Variants in TBL1X observed in about 807,000 individuals in gnomAD.
TBL1X encodes the protein F-box-like/WD repeat-containing protein TBL1X.
TBL1X carries 10 observed loss-of-function variants against 50.7 expected under a neutral mutation model. The observed-to-expected ratio is 0.20, with a 90% CI of 0.12 to 0.33. The LOEUF (loss-of-function observed/expected upper bound fraction) is 0.33, where lower values mean the gene tolerates loss of function less well. Among genes scored for constraint, TBL1X ranks in the 10% least tolerant of loss-of-function variants. TBL1X has a pLI of 1.00. For missense variants in TBL1X, 340 were observed against 504.4 expected (o/e 0.67, Z 3.12); for synonymous variants, 190 against 214.7 (o/e 0.88, Z 1.01).
chrX:9,571,766 C>T (rs991439535), intron 2 of TBL1X, among the ~76,000 whole-genome samples: 7 of 111,563 alleles, frequency 6.3e-5, no homozygotes, highest in African/African-American at 2.0e-4. Context: ...ACCTGGCACC[C>T]ACTGTTCTAC....
chrX:9,465,104 T>C lies in TBL1X; in HGVS notation c.-544T>C. ...GGAGGTCACTGTCCGTGCCAGTCCCTCCCGCTGTCCCGCCCTCTCCCGCTG... is the reference window on the plus strand; with the variant it reads ...GGAGGTCACTGTCCGTGCCAGTCCCCCCCGCTGTCCCGCCCTCTCCCGCTG... On this transcript the variant is annotated 5_prime_UTR_variant, in exon 1 of 18. Coordinates refer to ENST00000645353, the MANE Select transcript of TBL1X (RefSeq NM_005647.4). 1 of 112,372 alleles carries C rather than the reference T, an allele frequency of 8.9e-6. No homozygotes were observed. Among genetic ancestry groups the C allele is most frequent in the Non-Finnish European group, 1.9e-5 (1 of 53,447 alleles). 9.3% of individuals were successfully genotyped at this position (112,372 alleles called of 1,213,427 possible). A position where few individuals can be genotyped will look rare whatever the true frequency, so the allele number is the denominator to read the frequency against.
At chrX:9,540,063 G>T (rs2082207411) in intron 2 of TBL1X, among the ~76,000 whole-genome samples, 1 of 112,693 alleles carries the variant, frequency 8.9e-6, no homozygotes, top group South Asian at 3.6e-4. Context: ...TTTGGCACAA[G>T]AAGTGTTACA....
intron 2 of TBL1X, among the ~76,000 whole-genome samples, chrX:9,525,691 C>G (rs193256480): frequency 7.1e-5 from 8 of 112,472 alleles, no homozygotes; most frequent in African/African-American, 2.6e-4. Context: ...AAATAACTCA[C>G]TTCAGCTGTA....
intron 2 of TBL1X, among the ~76,000 whole-genome samples, chrX:9,553,854 G>A (rs1368812458): frequency 8.9e-6 from 1 of 111,847 alleles, no homozygotes; most frequent in Non-Finnish European, 1.9e-5. Flanking sequence ...AAATTATAGA[G>A]GGTAAGTTAC....
chrX:9,505,510 A>G (rs971460053), intron 2 of TBL1X, among the ~76,000 whole-genome samples: 24 of 112,111 alleles, frequency 2.1e-4, no homozygotes, highest in Non-Finnish European at 2.8e-4. Context: ...AGCAAATTGG[A>G]TAAGGAGTCA....
intron 2 of TBL1X, among the ~76,000 whole-genome samples, chrX:9,606,786 T>TGGAC (rs2082585692): frequency 5.3e-5 from 6 of 112,537 alleles, no homozygotes; most frequent in Non-Finnish European, 1.1e-4. Context: ...AAACAGTTCC[T>TGGAC]GAGCCCCTAA....
At chrX:9,709,165 C>T (rs1453375150) in intron 13 of TBL1X, 83 bp from the exon 14 acceptor site, 43 of 991,528 alleles carry the variant, frequency 4.3e-5, no homozygotes, top group Middle Eastern at 7.6e-4. Context: ...GCGCCGGTGG[C>T]GCGCTGCTGC....
chrX:9,617,290 T>G (rs749627672), intron 2 of TBL1X, among the ~76,000 whole-genome samples: 93 of 111,297 alleles, frequency 8.4e-4, no homozygotes, highest in African/African-American at 2.5e-3. Flanking sequence ...CCACCGTCCT[T>G]CCACAGAGCA....
At chrX:9,702,054 A>C (rs1407274896) in intron 12 of TBL1X, among the ~76,000 whole-genome samples, 1 of 111,533 alleles carries the variant, frequency 9.0e-6, no homozygotes, top group Non-Finnish European at 1.9e-5. Context: ...TGCACCTCTT[A>C]TTTGAAGACC....
intron 1 of TBL1X, among the ~76,000 whole-genome samples, chrX:9,501,565 A>G (rs1167200515): frequency 9.0e-6 from 1 of 111,134 alleles, no homozygotes; most frequent in African/African-American, 3.3e-5. Context: ...GCCAAAGGCT[A>G]CTGCAGTGGT....
At chrX:9,627,225 G>C (rs2082697084) in intron 2 of TBL1X, among the ~76,000 whole-genome samples, 1 of 111,755 alleles carries the variant, frequency 8.9e-6, no homozygotes, top group Admixed American at 9.5e-5. Flanking sequence ...ATCTAAACAT[G>C]CACTCTGTTG....
At chrX:9,463,625 C>T (rs894532288), upstream of TBL1X, among the ~76,000 whole-genome samples, 1 of 112,743 alleles carries the variant, frequency 8.9e-6, no homozygotes, top group African/African-American at 3.2e-5. Context: ...GGCACGGTGG[C>T]TCACGCCTGT....
intron 2 of TBL1X, among the ~76,000 whole-genome samples, chrX:9,552,933 A>G (rs1051011993): frequency 5.4e-5 from 6 of 111,703 alleles, no homozygotes; most frequent in Non-Finnish European, 1.1e-4. Context: ...ATTTGAGCCC[A>G]GGAGTTCAAG....
Position 9,470,318 on chromosome X carries a change from G to C in TBL1X, c.-201+4871G>C, listed in dbSNP as rs183589239. Among the ~76,000 whole-genome samples, 3 of 112,420 alleles carry C rather than the reference G, an allele frequency of 2.7e-5. No homozygotes were observed. In the East Asian group the frequency reaches 8.4e-4, roughly 31 times the overall value. ...GACGGAGTCTCACTATGTCGCCCAG[G>C]GTAGAGTGCGGTGGCGCGATCTCCG... On this transcript the variant is annotated intron_variant, in intron 1 of 17. Coordinates refer to ENST00000645353, the MANE Select transcript of TBL1X (RefSeq NM_005647.4).
intron 2 of TBL1X, among the ~76,000 whole-genome samples, chrX:9,589,994 A>G (rs2082491011): frequency 8.9e-6 from 1 of 111,924 alleles, no homozygotes; most frequent in Non-Finnish European, 1.9e-5. Flanking sequence ...AATGCGTAAG[A>G]GTCTAATCAC....
intron 2 of TBL1X, among the ~76,000 whole-genome samples, chrX:9,542,575 C>T (rs945471835): frequency 1.8e-5 from 2 of 111,624 alleles, no homozygotes; most frequent in Admixed American, 9.5e-5. Context: ...GCCTTGGCCC[C>T]GCCTCGCACT....
chrX:9,707,393 G>A (rs2083215277), intron 13 of TBL1X, among the ~76,000 whole-genome samples: 1 of 112,330 alleles, frequency 8.9e-6, no homozygotes, highest in Non-Finnish European at 1.9e-5. Context: ...TTTTAATAGA[G>A]CTGTACACAC....
intron 5 of TBL1X, among the ~76,000 whole-genome samples, chrX:9,660,589 G>A (rs942302499): frequency 3.6e-5 from 4 of 111,532 alleles, no homozygotes; most frequent in African/African-American, 1.3e-4. Flanking sequence ...GCCCTGATTC[G>A]TAGCTGAGAG....
At chrX:9,559,576 T>C (rs1212081697) in intron 2 of TBL1X, among the ~76,000 whole-genome samples, 2 of 112,163 alleles carry the variant, frequency 1.8e-5, no homozygotes, top group Non-Finnish European at 3.8e-5. Context: ...AATATCAATT[T>C]AGAAAAAGAA....
Sources: gnomAD v4.1 joint callset for allele counts (sites outside exome capture counted in the v4.1 genomes callset) on GRCh38, gnomAD v4.1.1 for gene constraint, MANE v1.5 for transcripts, NCBI Gene and HGNC (gene_info 2026-07-23, HGNC 2026-07-21) for gene names.